The following CTNNA1 variants were observed in gnomAD, a reference collection of about 807,000 sequenced individuals.
CTNNA1 encodes catenin alpha-1.
In CTNNA1, 37 loss-of-function variants were observed where a neutral mutation model predicts 98.4. The ratio of observed to expected loss-of-function variants is 0.38; its 90% CI spans 0.29 to 0.49. The LOEUF (loss-of-function observed/expected upper bound fraction) is 0.49. Among genes scored for constraint, CTNNA1 ranks in the 20% least tolerant of loss-of-function variants. CTNNA1 has a pLI of 0.95. For synonymous variants in CTNNA1, 404 were observed against 413.2 expected, an observed-to-expected ratio of 0.98 and a Z score of 0.27; for missense variants, 761 against 1,147.2, an observed-to-expected ratio of 0.66 and a Z score of 4.86.
At chr5:138,894,800 A>G (rs1297116390) in intron 9 of CTNNA1, among the ~76,000 whole-genome samples, 1 of 152,098 alleles carries the variant, frequency 6.6e-6, no homozygotes, top group East Asian at 1.9e-4. Context: ...CCCTGCCTAC[A>G]ACTGCCTTTC....
intron 7 of CTNNA1, chr5:138,870,808 T>G (rs1750509205): frequency 1.3e-5 from 2 of 152,204 alleles, no homozygotes; most frequent in South Asian, 4.1e-4. Context: ...GGTGCTCTTA[T>G]TTGTAATAGG....
At chr5:138,905,111 A>ACATACATACATACATACATACATAC (rs534764046) in intron 10 of CTNNA1, among the ~76,000 whole-genome samples, 1 of 139,270 alleles carries the variant, frequency 7.2e-6, no homozygotes, top group African/African-American at 2.9e-5. Flanking sequence ...AAAAAAAAAA[A>ACATACATACATACATACATACATAC]ATACATACAT....
chr5:138,890,332 G>C (rs1755074776), intron 9 of CTNNA1, among the ~76,000 whole-genome samples: 1 of 140,078 alleles, frequency 7.1e-6, no homozygotes, highest in African/African-American at 2.8e-5. Flanking sequence ...CAGGTTTAGG[G>C]CATGGTCCCC....
chr5:138,901,856 G>GT (rs1758111745), intron 9 of CTNNA1, among the ~76,000 whole-genome samples: 2 of 152,176 alleles, frequency 1.3e-5, no homozygotes, highest in African/African-American at 2.4e-5. Context: ...CCTGACACTA[G>GT]TATGTGAGGT....
intron 10 of CTNNA1, among the ~76,000 whole-genome samples, chr5:138,909,384 G>C (rs1247389061): frequency 1.4e-5 from 2 of 147,166 alleles, no homozygotes; most frequent in Non-Finnish European, 3.0e-5. Flanking sequence ...TAAGAGACAG[G>C]TTTTCACTCT....
intron 7 of CTNNA1, among the ~76,000 whole-genome samples, chr5:138,843,790 C>G (rs1762469068): frequency 6.6e-6 from 1 of 152,176 alleles, no homozygotes; most frequent in Non-Finnish European, 1.5e-5. Context: ...ATGGCCGCTT[C>G]TAGGGGCAGT....
At chr5:138,823,564 C>A (rs1035305223) in intron 5 of CTNNA1, among the ~76,000 whole-genome samples, 1 of 152,080 alleles carries the variant, frequency 6.6e-6, no homozygotes, top group Non-Finnish European at 1.5e-5. Context: ...GGAGGAGATA[C>A]GTGCTTGTCA....
At chr5:138,756,957 G>T (rs1044678853) in intron 1 of CTNNA1, among the ~76,000 whole-genome samples, 13 of 151,708 alleles carry the variant, frequency 8.6e-5, no homozygotes, top group Non-Finnish European at 1.9e-4. Flanking sequence ...CTGTTTTTTT[G>T]GGAGGCTGAG....
At chr5:138,881,069 G>T in intron 7 of CTNNA1, 2 of 456,302 alleles carry the variant, frequency 4.4e-6, no homozygotes, top group South Asian at 3.1e-5. Flanking sequence ...GTCTGCAGTT[G>T]AGATGTTGAT....
chr5:138,855,719 A>C (rs1292158777), intron 7 of CTNNA1, among the ~76,000 whole-genome samples: 1 of 152,208 alleles, frequency 6.6e-6, no homozygotes, highest in Non-Finnish European at 1.5e-5. Context: ...GAGCTGGAAA[A>C]GCAGTAAGAG....
At chr5:138,882,526 G>T (rs888451056) in intron 7 of CTNNA1, among the ~76,000 whole-genome samples, 59 of 152,190 alleles carry the variant, frequency 3.9e-4, no homozygotes, top group African/African-American at 1.4e-3. Flanking sequence ...ATGGTGGGAT[G>T]ATATTTGTTT....
At chr5:138,753,730 G>C (rs988109846) in intron 1 of CTNNA1, 1 of 314,916 alleles carries the variant, frequency 3.2e-6, no homozygotes, top group Non-Finnish European at 5.8e-6. Context: ...TATGGGGCCC[G>C]GGCGGGCACG....
chr5:138,932,934 C>T (rs762717675), intron 17 of CTNNA1: 4 of 779,806 alleles, frequency 5.1e-6, no homozygotes, highest in Non-Finnish European at 7.0e-6. Flanking sequence ...GGCTGGCCTC[C>T]TCCCCTTTGC....
In CTNNA1 at chr5:138,886,305, A is replaced by G; in HGVS notation, c.1143+13A>G. ...CTTGCGTAGACAGGTAATCTGGATG[A>G]AAGTGCTGATTGTTTTTCTAAGTTC... is the stretch of plus-strand genomic sequence containing the variant. On this transcript the variant is annotated intron_variant, in intron 8 of 17. Coordinates refer to ENST00000302763, the MANE Select transcript of CTNNA1 (RefSeq NM_001903.5). The G allele has an allele frequency of 6.4e-7, 1 of 1,574,736 alleles. No individual in the cohort carries two copies. The highest frequency in any genetic ancestry group is 8.6e-7 in the Non-Finnish European group (1 of 1,165,270).
chr5:138,820,033 C>T (rs1186444623), intron 5 of CTNNA1, among the ~76,000 whole-genome samples: 7 of 141,836 alleles, frequency 4.9e-5, no homozygotes, highest in Non-Finnish European at 9.3e-5. Flanking sequence ...ACCCACCCCC[C>T]GCCCTGCCCC....
intron 3 of CTNNA1, among the ~76,000 whole-genome samples, chr5:138,791,277 A>G (rs1756325116): frequency 6.6e-6 from 1 of 152,148 alleles, no homozygotes; most frequent in Admixed American, 6.5e-5. Flanking sequence ...GAAAGCAGTC[A>G]GTGTTGTTAA....
chr5:138,830,219 G>A (rs1305722530), intron 7 of CTNNA1, among the ~76,000 whole-genome samples: 1 of 150,924 alleles, frequency 6.6e-6, no homozygotes, highest in African/African-American at 2.4e-5. Context: ...AAATTAGCCA[G>A]GCGTGGTGTG....
chr5:138,845,080 C>T (rs1463535889), intron 7 of CTNNA1, among the ~76,000 whole-genome samples: 1 of 152,156 alleles, frequency 6.6e-6, no homozygotes, highest in African/African-American at 2.4e-5. Flanking sequence ...CAGACTTGAG[C>T]AATACGGGGC....
chr5:138,921,478 G>A (rs1762899133), intron 11 of CTNNA1, among the ~76,000 whole-genome samples: 1 of 152,096 alleles, frequency 6.6e-6, no homozygotes, highest in Admixed American at 6.5e-5. Context: ...TGATTGGGAG[G>A]TCATTAAATA....
Sources: allele counts gnomAD v4.1 joint callset (sites outside exome capture counted in the v4.1 genomes callset), GRCh38; gene constraint gnomAD v4.1.1; transcripts MANE v1.5; gene names NCBI Gene and HGNC (gene_info 2026-07-23, HGNC 2026-07-21).